The following CRLF3 variants were observed in gnomAD, a reference collection of about 807,000 sequenced individuals.
The protein encoded by CRLF3 is cytokine receptor like factor 3.
In CRLF3, 33 loss-of-function variants were observed where a neutral mutation model predicts 55.0. The observed-to-expected ratio is 0.60, with a 90% CI of 0.46 to 0.80. The LOEUF is 0.80. Ranked by LOEUF, CRLF3 falls within the 30% of genes least tolerant of loss-of-function variation. The pLI is 0.00. For missense variants in CRLF3, 494 were observed against 538.4 expected (o/e 0.92, Z 0.82); for synonymous variants, 238 against 196.8 (o/e 1.21, Z -1.75).
chr17:30,818,903 T>C (rs1374089809), intron 1 of CRLF3, among the ~76,000 whole-genome samples: 1 of 151,226 alleles, frequency 6.6e-6, no homozygotes, highest in Non-Finnish European at 1.5e-5. Flanking sequence ...GCAACCTCCA[T>C]CTCCCAGGTA....
At position 30,816,477 on chromosome 17, in the gene CRLF3, CTTCT is replaced by C. The variant is rs1458140660; in HGVS notation, c.129+8042_129+8045del. ...CTATATTTTTATGTCTTTACTGTAT[CTTCT>C]TTCTTTCTTTTTTTTTTTTTTTTTT... On this transcript the variant is annotated intron_variant, in intron 1 of 7. Coordinates refer to ENST00000324238, the MANE Select transcript of CRLF3 (RefSeq NM_015986.4). 3.4e-3 allele frequency among the ~76,000 whole-genome samples: 494 copies of C among 145,440 alleles called. 2 individuals carry two copies. In the Middle Eastern group the frequency reaches 0.043, roughly 13 times the overall value.
chr17:30,807,593 C>T (rs1178777311), intron 1 of CRLF3, among the ~76,000 whole-genome samples: 11 of 122,836 alleles, frequency 9.0e-5, no homozygotes, highest in African/African-American at 2.8e-4. Context: ...AGTGCAGTGG[C>T]GCAATCTCGG....
chr17:30,788,378 T>C (rs1382567125), intron 6 of CRLF3, among the ~76,000 whole-genome samples: 1 of 134,730 alleles, frequency 7.4e-6, no homozygotes, highest in African/African-American at 2.8e-5. Flanking sequence ...TTAAAAAAAA[T>C]CAGAAAATCT....
At chr17:30,785,380 C>G (rs1054948750) in intron 7 of CRLF3, among the ~76,000 whole-genome samples, 10 of 151,864 alleles carry the variant, frequency 6.6e-5, no homozygotes, top group East Asian at 3.9e-4. Context: ...CGGCCTCTGG[C>G]TAGCGATTTT....
At chr17:30,806,719 G>C (rs1181382993) in intron 1 of CRLF3, among the ~76,000 whole-genome samples, 1 of 152,076 alleles carries the variant, frequency 6.6e-6, no homozygotes, top group Non-Finnish European at 1.5e-5. Flanking sequence ...CTGCAGCCTT[G>C]AACTCCTGGG....
At chr17:30,800,814 G>A (rs538355367) in intron 2 of CRLF3, among the ~76,000 whole-genome samples, 3 of 147,860 alleles carry the variant, frequency 2.0e-5, no homozygotes, top group East Asian at 2.0e-4. Context: ...TCGCTCTGTC[G>A]CCCAGGCTGG....
rs1231588526 is a variant in CRLF3 at position 30,797,403 on chromosome 17, A to T, written c.338-5T>A. ...CACCAAGCATGGCGATTTCACCTAC[A>T]ATCAAGAATAAGAGAACTAGAACAA... is the stretch of plus-strand genomic sequence containing the variant. On this transcript the variant is annotated splice_region_variant and splice_polypyrimidine_tract_variant and intron_variant, in intron 2 of 7. Transcript: ENST00000324238. 6.2e-7 allele frequency: 1 copy of T among 1,607,266 alleles called. No homozygotes were observed. Among genetic ancestry groups the T allele is most frequent in the East Asian group, 2.2e-5 (1 of 44,850 alleles).
chr17:30,822,156 C>T (rs1039707909), intron 1 of CRLF3, among the ~76,000 whole-genome samples: 3 of 151,960 alleles, frequency 2.0e-5, no homozygotes, highest in Middle Eastern at 3.2e-3. Context: ...ATCCCTTCCT[C>T]TCTGCTCTTC....
intron 1 of CRLF3, among the ~76,000 whole-genome samples, chr17:30,815,540 TC>T (rs1904769967): frequency 7.2e-6 from 1 of 137,990 alleles, no homozygotes. Context: ...GCTAGTTTCT[TC>T]TTTTTTTTTT....
intron 1 of CRLF3, among the ~76,000 whole-genome samples, chr17:30,810,679 C>G (rs911937866): frequency 4.6e-5 from 7 of 152,134 alleles, no homozygotes; most frequent in Non-Finnish European, 8.8e-5. Context: ...TCACAAAATG[C>G]CAAAAATTCA....
At chr17:30,821,136 G>A (rs544341202) in intron 1 of CRLF3, among the ~76,000 whole-genome samples, 2 of 151,442 alleles carry the variant, frequency 1.3e-5, no homozygotes, top group East Asian at 3.9e-4. Flanking sequence ...GTTCATCTGA[G>A]CCCAGGAGGC....
intron 6 of CRLF3, chr17:30,787,618 T>C (rs570001140): frequency 6.6e-6 from 1 of 152,184 alleles, no homozygotes; most frequent in African/African-American, 2.4e-5. Flanking sequence ...CCTCAAAATG[T>C]CATTGATTGT....
At position 30,796,258 on chromosome 17, in the gene CRLF3, C is replaced by T; in HGVS notation, c.505G>A (p.Asp169Asn). 6.2e-7 allele frequency: 1 copy of T among 1,614,026 alleles called. No individual in the cohort carries two copies. The highest frequency in any genetic ancestry group is 8.5e-7 in the Non-Finnish European group (1 of 1,179,970). The change falls in exon 4 of 8, where the codon GAC becomes AAC. Residue 169 changes from aspartate (D) to asparagine (N), a missense_variant. Transcript: ENST00000324238. ...LDDSILNIVK[D>N]HIFKHGTVAS... is the part of the protein sequence containing the mutation. ...ACTGTTCCATGCTTAAAAATGTGGT[C>T]TTTCACTATGTTAAGAATTGAGTCA...
rs1450980498 is a variant in CRLF3, at chr17:30,782,893, T to G, written c.*1294A>C. The G allele has an allele frequency of 8.6e-6, 1 of 116,008 alleles. No individual in the cohort carries two copies. The highest frequency in any genetic ancestry group is 9.3e-5 in the Admixed American group (1 of 10,810). 7.2% of individuals were successfully genotyped at this position (116,008 alleles called of 1,614,324 possible). ...TACTTGCTTTTCTACTTTTTTACTATACTGGTAAAAATGAAATGAAAAAAA... is the reference window on the plus strand; with the variant it reads ...TACTTGCTTTTCTACTTTTTTACTAGACTGGTAAAAATGAAATGAAAAAAA... On this transcript the variant is annotated 3_prime_UTR_variant, in exon 8 of 8. Transcript: ENST00000324238.
chr17:30,787,477 C>G (rs1048682710), intron 6 of CRLF3: 10 of 151,638 alleles, frequency 6.6e-5, no homozygotes, highest in Non-Finnish European at 1.3e-4. Flanking sequence ...AGGAAATGTA[C>G]AGATCCCTAT....
At chr17:30,798,381 C>G (rs540270712) in intron 2 of CRLF3, among the ~76,000 whole-genome samples, 1 of 145,836 alleles carries the variant, frequency 6.9e-6, no homozygotes, top group Non-Finnish European at 1.5e-5. Context: ...CCGTCCCCCC[C>G]GCCAAAAAAA....
intron 1 of CRLF3, among the ~76,000 whole-genome samples, chr17:30,815,845 G>C (rs1904784082): frequency 6.6e-6 from 1 of 150,954 alleles, no homozygotes; most frequent in African/African-American, 2.4e-5. Flanking sequence ...AGCCCGGCCA[G>C]AATGGCTTGT....
At chr17:30,794,618 C>T (rs1227747496) in intron 4 of CRLF3, among the ~76,000 whole-genome samples, 3 of 152,022 alleles carry the variant, frequency 2.0e-5, no homozygotes, top group African/African-American at 4.8e-5. Context: ...GGCAACACAG[C>T]AAAACCCCAT....
At chr17:30,796,935 G>A (rs1252736032) in intron 3 of CRLF3, among the ~76,000 whole-genome samples, 1 of 151,984 alleles carries the variant, frequency 6.6e-6, no homozygotes, top group Non-Finnish European at 1.5e-5. Context: ...GAGTCTTGCT[G>A]TTGCCCAGGC....
Sources: allele counts gnomAD v4.1 joint callset (sites outside exome capture counted in the v4.1 genomes callset), GRCh38; gene constraint gnomAD v4.1.1; transcripts MANE v1.5; gene names NCBI Gene and HGNC (gene_info 2026-07-23, HGNC 2026-07-21).